Variants in FRMD3 observed in about 807,000 individuals in gnomAD.
The protein encoded by FRMD3 is FERM domain-containing protein 3.
FRMD3 carries 33 observed loss-of-function variants against 70.2 expected under a neutral mutation model. The ratio of observed to expected loss-of-function variants is 0.47; its 90% CI spans 0.36 to 0.63. The LOEUF is 0.63. Ranked by LOEUF, FRMD3 falls within the 20% of genes least tolerant of loss-of-function variation. The probability of loss-of-function intolerance (pLI) is 0.00; values close to 1 mark genes in which losing one functional copy is unlikely to be tolerated. For missense variants in FRMD3, 632 were observed against 711.4 expected (o/e 0.89, Z 1.27); for synonymous variants, 279 against 255.9 (o/e 1.09, Z -0.86).
chr9:83,504,327 AGG>A (rs1184494458), intron 1 of FRMD3, among the ~76,000 whole-genome samples: 1 of 152,114 alleles, frequency 6.6e-6, no homozygotes, highest in Non-Finnish European at 1.5e-5. Context: ...TTCTCTCCCT[AGG>A]GCCTATTCTC....
In FRMD3 at chr9:83,518,956, T is replaced by C. The variant is rs1321583436; in HGVS notation, c.147+19129A>G. ...CTAGCCATATGCAGAAACCTGAAAC[T>C]GGACCCCTTCCTTACACCTTATACA... On this transcript the variant is annotated intron_variant, in intron 1 of 13. Transcript: ENST00000304195. 2.0e-5 allele frequency among the ~76,000 whole-genome samples: 3 copies of C among 152,316 alleles called. No individual in the cohort carries two copies. The South Asian group carries it at 6.2e-4, about 32-fold the overall frequency.
chr9:83,373,124 G>A (rs143750551), intron 2 of FRMD3, among the ~76,000 whole-genome samples, 169 bp from the exon 3 acceptor site: 152 of 152,164 alleles, frequency 1.0e-3, no homozygotes, highest in African/African-American at 2.7e-3. Context: ...TAATCATAGC[G>A]CAGACAAGGA....
At chr9:83,448,963 A>G (rs574259913) in intron 1 of FRMD3, among the ~76,000 whole-genome samples, 114 of 152,214 alleles carry the variant, frequency 7.5e-4, no homozygotes, top group African/African-American at 2.7e-3. Flanking sequence ...GATGTAGCAA[A>G]ATGGGCCTTG....
intron 1 of FRMD3, among the ~76,000 whole-genome samples, chr9:83,512,959 G>A (rs529202888): frequency 6.3e-4 from 96 of 152,246 alleles, no homozygotes; most frequent in African/African-American, 2.1e-3. Flanking sequence ...GTGAAGCAGG[G>A]AAATAAAATG....
intron 6 of FRMD3, among the ~76,000 whole-genome samples, chr9:83,322,779 C>T (rs1835851243): frequency 6.6e-6 from 1 of 152,174 alleles, no homozygotes; most frequent in South Asian, 2.1e-4. Flanking sequence ...TAGTCAGTTC[C>T]CAGCTGGGCA....
chr9:83,497,921 G>A (rs1345635157), intron 1 of FRMD3, among the ~76,000 whole-genome samples: 1 of 152,220 alleles, frequency 6.6e-6, no homozygotes, highest in Non-Finnish European at 1.5e-5. Context: ...GCCAAGGCTG[G>A]TGGATCACCT....
rs537152216 is a variant in FRMD3 at position 83,500,491 on chromosome 9, C to T, written c.147+37594G>A. ...CTATAAGCCTGCATAGAGTGCTTGG[C>T]GTGTATGCGCGCACACACACACACA... On this transcript the variant is annotated intron_variant, in intron 1 of 13. Coordinates refer to ENST00000304195, the MANE Select transcript of FRMD3 (RefSeq NM_174938.6). Among the ~76,000 whole-genome samples the T allele has an allele frequency of 1.7e-3, 229 of 138,292 alleles. 2 individuals are homozygous for T. The highest frequency in any genetic ancestry group is 5.9e-3 in the African/African-American group (219 of 37,076). 90.7% of individuals were successfully genotyped at this position (138,292 alleles called of 152,430 possible). A position where few individuals can be genotyped will look rare whatever the true frequency, so the allele number is the denominator to read the frequency against.
chr9:83,302,115 G>A (rs1834951303), intron 10 of FRMD3, among the ~76,000 whole-genome samples: 1 of 152,166 alleles, frequency 6.6e-6, no homozygotes, highest in African/African-American at 2.4e-5. Flanking sequence ...AGAGGGGAGG[G>A]GAATGGAGAG....
intron 1 of FRMD3, among the ~76,000 whole-genome samples, chr9:83,476,640 C>T (rs188784194): frequency 1.3e-5 from 2 of 152,240 alleles, no homozygotes; most frequent in East Asian, 3.9e-4. Flanking sequence ...CTGAGGCCAC[C>T]ATGGGAAAAT....
At chr9:83,434,725 C>T (rs2131381537) in intron 1 of FRMD3, among the ~76,000 whole-genome samples, 1 of 151,034 alleles carries the variant, frequency 6.6e-6, no homozygotes, top group Admixed American at 6.6e-5. Flanking sequence ...AGTGTTGTAA[C>T]ATGATCAGAA....
chr9:83,474,064 T>C (rs1022047539), intron 1 of FRMD3, among the ~76,000 whole-genome samples: 15 of 152,236 alleles, frequency 9.9e-5, no homozygotes, highest in African/African-American at 2.9e-4. Flanking sequence ...GTGTACAGTA[T>C]GTGCATTTAT....
rs75806541 is a variant in FRMD3, at chr9:83,283,970, T to C, written c.1195+6633A>G. Among the ~76,000 whole-genome samples the C allele has an allele frequency of 6.9e-3, 1,042 of 152,032 alleles. 9 individuals are homozygous for C. The highest frequency in any genetic ancestry group is 0.033 in the East Asian group (169 of 5,172). ...CAGGAATTTTAAGAATTTAGTATAC[T>C]GGATAACTGCAACTGCATTAAAATG... On this transcript the variant is annotated intron_variant, in intron 13 of 13. Coordinates refer to ENST00000304195, the MANE Select transcript of FRMD3 (RefSeq NM_174938.6).
intron 1 of FRMD3, among the ~76,000 whole-genome samples, chr9:83,417,221 A>G (rs1826483751): frequency 6.6e-6 from 1 of 152,226 alleles, no homozygotes; most frequent in African/African-American, 2.4e-5. Context: ...AAATGAGTAC[A>G]CATTCATTCT....
At chr9:83,400,615 CTACCCAGCTTCAAGACT>C in intron 1 of FRMD3, among the ~76,000 whole-genome samples, 1 of 152,258 alleles carries the variant, frequency 6.6e-6, no homozygotes, top group Admixed American at 6.5e-5. Context: ...AGGACTGATG[CTACCCAGCTTCAAGACT>C]TACTATAAAG....
chr9:83,420,716 T>G (rs1252754577), intron 1 of FRMD3, among the ~76,000 whole-genome samples: 1 of 152,170 alleles, frequency 6.6e-6, no homozygotes. Flanking sequence ...TAAACAATAA[T>G]GAGTGAGTTC....
chr9:83,418,090 C>T (rs1250359766), intron 1 of FRMD3, among the ~76,000 whole-genome samples: 1 of 138,272 alleles, frequency 7.2e-6, no homozygotes, highest in Non-Finnish European at 1.5e-5. Context: ...CCAGTAAAAT[C>T]GCTGGAGAAG....
chr9:83,356,832 C>T (rs996937368), intron 3 of FRMD3, among the ~76,000 whole-genome samples: 3 of 151,680 alleles, frequency 2.0e-5, no homozygotes, highest in African/African-American at 7.3e-5. Flanking sequence ...GATTTGGGTG[C>T]ACCCATCACC....
intron 3 of FRMD3, among the ~76,000 whole-genome samples, chr9:83,354,444 G>T (rs948388705): frequency 6.6e-6 from 1 of 152,132 alleles, no homozygotes; most frequent in Non-Finnish European, 1.5e-5. Flanking sequence ...AAGTGGGAGC[G>T]AAACATTGGG....
intron 13 of FRMD3, among the ~76,000 whole-genome samples, chr9:83,278,511 G>C (rs1239264913): frequency 6.6e-6 from 1 of 152,172 alleles, no homozygotes; most frequent in African/African-American, 2.4e-5. Flanking sequence ...GAAAAGGTTA[G>C]GATTTTACAG....
Sources: allele counts gnomAD v4.1 joint callset (sites outside exome capture counted in the v4.1 genomes callset), GRCh38; gene constraint gnomAD v4.1.1; transcripts MANE v1.5; gene names NCBI Gene and HGNC (gene_info 2026-07-23, HGNC 2026-07-21).